The following XPO6 variants were observed in gnomAD, a reference collection of about 807,000 sequenced individuals.
XPO6 encodes the protein exportin-6.
A neutral mutation model predicts 130.0 loss-of-function variants in XPO6; 3 were observed. The ratio of observed to expected loss-of-function variants is 0.02; its 90% CI spans 0.01 to 0.06. The LOEUF is 0.06. Ranked by LOEUF, XPO6 falls within the 10% of genes least tolerant of loss-of-function variation. The pLI, the probability that XPO6 is intolerant of heterozygous loss-of-function variation, is 1.00. For missense variants in XPO6, 970 were observed against 1,393.0 expected (o/e 0.70, Z 4.83); for synonymous variants, 524 against 548.9 (o/e 0.95, Z 0.63).
At chr16:28,126,957 G>A (rs1276510900) in intron 12 of XPO6, among the ~76,000 whole-genome samples, 1 of 152,016 alleles carries the variant, frequency 6.6e-6, no homozygotes, top group Non-Finnish European at 1.5e-5. Context: ...ACTCACACTG[G>A]TCATCACCAA....
chr16:28,143,899 C>T (rs1378328897), intron 9 of XPO6, among the ~76,000 whole-genome samples: 3 of 152,048 alleles, frequency 2.0e-5, no homozygotes, highest in East Asian at 1.9e-4. Flanking sequence ...CCTCCTAAAG[C>T]GCTGGGATTA....
rs1179624230 is a variant in XPO6, at chr16:28,101,267, T to C, written c.3276+191A>G. ...ACATACGTGCTACAGACACCAAGAC[T>C]GGGGAAAAGGCTGTGCCCCTCAATC... is the stretch of plus-strand genomic sequence containing the variant. On this transcript the variant is annotated intron_variant, in intron 23 of 23. Transcript: ENST00000304658. The surrounding 1 kb of genome is among the most constrained non-coding windows in gnomAD (Gnocchi z 5.4). 1 of 675,754 alleles carries C rather than the reference T, an allele frequency of 1.5e-6. No individual in the cohort carries two copies. Among genetic ancestry groups the C allele is most frequent in the South Asian group, 1.6e-5 (1 of 63,540 alleles). 41.9% of individuals were successfully genotyped at this position (675,754 alleles called of 1,614,324 possible).
intron 1 of XPO6, among the ~76,000 whole-genome samples, chr16:28,211,090 T>C (rs757181622): frequency 1.3e-5 from 2 of 152,192 alleles, no homozygotes; most frequent in South Asian, 2.1e-4. Flanking sequence ...CAATAAACGA[T>C]AGTTATTATC....
intron 6 of XPO6, among the ~76,000 whole-genome samples, chr16:28,162,686 C>T (rs2043295448): frequency 6.6e-6 from 1 of 151,744 alleles, no homozygotes; most frequent in African/African-American, 2.4e-5. Flanking sequence ...TTCAACCCTC[C>T]CAAGTAGCTG....
intron 9 of XPO6, among the ~76,000 whole-genome samples, chr16:28,138,856 T>C (rs1041163663): frequency 1.3e-5 from 2 of 152,202 alleles, no homozygotes; most frequent in African/African-American, 4.8e-5. Context: ...CCACGCCTAA[T>C]GGTAGAACAA....
intron 1 of XPO6, among the ~76,000 whole-genome samples, chr16:28,198,002 T>C (rs2141901555): frequency 7.4e-6 from 1 of 135,526 alleles, no homozygotes; most frequent in African/African-American, 2.6e-5. Context: ...CTCATACCCT[T>C]GGGCCCTTCT....
intron 17 of XPO6, among the ~76,000 whole-genome samples, chr16:28,108,662 C>T (rs205364): frequency 0.57 from 87,471 of 152,154 alleles, 27,516 homozygotes; most frequent in South Asian, 0.72. Flanking sequence ...TCAACCCTGG[C>T]GACCACCAGA....
intron 6 of XPO6, among the ~76,000 whole-genome samples, chr16:28,160,804 G>A (rs963964319): frequency 6.6e-6 from 1 of 152,082 alleles, no homozygotes; most frequent in Non-Finnish European, 1.5e-5. Context: ...TGCCATATTA[G>A]AAATTAAAGC....
At chr16:28,177,963 C>T (rs2043558651) in intron 2 of XPO6, among the ~76,000 whole-genome samples, 1 of 152,172 alleles carries the variant, frequency 6.6e-6, no homozygotes, top group Non-Finnish European at 1.5e-5. Flanking sequence ...CCTGTCCACA[C>T]ATCACGTTGG....
chr16:28,177,857 T>C (rs1245683667), intron 2 of XPO6, among the ~76,000 whole-genome samples: 1 of 152,212 alleles, frequency 6.6e-6, no homozygotes, highest in Admixed American at 6.5e-5. Flanking sequence ...AACGGCTAAC[T>C]CTTCATTTGG....
chr16:28,172,395 C>T (rs568365824), intron 4 of XPO6, among the ~76,000 whole-genome samples: 20 of 152,120 alleles, frequency 1.3e-4, no homozygotes, highest in Non-Finnish European at 2.2e-4. Context: ...TTTTATTACA[C>T]GACCCAACAG....
intron 1 of XPO6, among the ~76,000 whole-genome samples, chr16:28,202,476 G>A (rs1159486227): frequency 6.6e-6 from 1 of 152,152 alleles, no homozygotes; most frequent in South Asian, 2.1e-4. Context: ...GACAATGACA[G>A]CTTGATCAAA....
At chr16:28,192,305 T>C (rs926605973) in intron 1 of XPO6, among the ~76,000 whole-genome samples, 1 of 151,238 alleles carries the variant, frequency 6.6e-6, no homozygotes, top group African/African-American at 2.4e-5. Flanking sequence ...TATTTGACTT[T>C]GGTAAAAATC....
chr16:28,210,373 TGAG>T (rs1339328898), intron 1 of XPO6, among the ~76,000 whole-genome samples: 8 of 152,148 alleles, frequency 5.3e-5, no homozygotes, highest in African/African-American at 1.4e-4. Flanking sequence ...TGGGTGAAAC[TGAG>T]GAGAACAGCT....
chr16:28,190,832 A>G (rs555313333), intron 1 of XPO6, among the ~76,000 whole-genome samples: 2 of 152,248 alleles, frequency 1.3e-5, no homozygotes, highest in African/African-American at 4.8e-5. Context: ...AAAAAAATAC[A>G]TGTGTGTGTG....
rs187517158 is a variant in XPO6 at position 28,200,440 on chromosome 16, T to C, written c.3+10926A>G. ...TCCTTTTTGTTGATGTCCTGTAATA[T>C]GGACCAGCTACCACTGTGCCCTCAA... On this transcript the variant is annotated intron_variant, in intron 1 of 23. Transcript: ENST00000304658. Among the ~76,000 whole-genome samples, 1,385 of 152,276 alleles carry C rather than the reference T, an allele frequency of 9.1e-3. 9 individuals are homozygous for C. The highest frequency in any genetic ancestry group is 0.037 in the Middle Eastern group (11 of 294).
intron 15 of XPO6, 36 bp from the exon 16 acceptor site, chr16:28,113,086 C>T (rs1213242382): frequency 6.3e-7 from 1 of 1,595,478 alleles, no homozygotes; most frequent in Admixed American, 1.7e-5. Flanking sequence ...CTCACCACAT[C>T]CCTGTAAGAC....
chr16:28,193,315 G>A (rs1457905621), intron 1 of XPO6, among the ~76,000 whole-genome samples: 1 of 152,076 alleles, frequency 6.6e-6, no homozygotes, highest in Non-Finnish European at 1.5e-5. Flanking sequence ...CAGGAAGTGT[G>A]GGGGCGCTGC....
chr16:28,125,869 C>G (rs560142681), intron 12 of XPO6, 21 bp from the exon 13 acceptor site: 3 of 1,606,536 alleles, frequency 1.9e-6, no homozygotes, highest in South Asian at 2.2e-5. Flanking sequence ...ACACGCCAGA[C>G]AGTTTTTCAC....
Sources: allele counts gnomAD v4.1 joint callset (sites outside exome capture counted in the v4.1 genomes callset), GRCh38; gene constraint gnomAD v4.1.1; non-coding constraint Gnocchi (gnomAD v3.1); transcripts MANE v1.5; gene names NCBI Gene and HGNC (gene_info 2026-07-23, HGNC 2026-07-21).